The following C22orf31 variants were observed in gnomAD, a reference collection of about 807,000 sequenced individuals.
The protein encoded by C22orf31 is uncharacterized protein C22orf31.
In C22orf31, 11 loss-of-function variants were observed where a neutral mutation model predicts 15.0. That is an observed-to-expected ratio of 0.73 (90% confidence interval 0.46 to 1.21). The LOEUF (loss-of-function observed/expected upper bound fraction) is 1.21. C22orf31 is among the 50% of genes most tolerant of loss of function. The probability of loss-of-function intolerance (pLI) is 0.00; values close to 1 mark genes in which losing one functional copy is unlikely to be tolerated. For synonymous variants in C22orf31, 132 were observed against 133.3 expected (o/e 0.99, Z 0.07); for missense variants, 340 against 347.2 (o/e 0.98, Z 0.17).
the C22orf31 span, among the ~76,000 whole-genome samples, chr22:29,070,504 C>T: frequency 6.6e-6 from 1 of 152,208 alleles, no homozygotes; most frequent in Non-Finnish European, 1.5e-5. Flanking sequence ...CTATTTTCTC[C>T]TCTGAAACCT....
At chr22:29,070,150 T>C in the C22orf31 span, among the ~76,000 whole-genome samples, 1 of 152,184 alleles carries the variant, frequency 6.6e-6, no homozygotes, top group Admixed American at 6.5e-5. Context: ...TGTCACCATG[T>C]TGGCCAGGCT....
upstream of C22orf31, among the ~76,000 whole-genome samples, chr22:29,062,159 T>C (rs2037397756): frequency 6.6e-6 from 1 of 152,162 alleles, no homozygotes; most frequent in Non-Finnish European, 1.5e-5. Context: ...CTTGGATGAA[T>C]TTTGAAGATC....
intron 2 of C22orf31, 40 bp downstream of exon 2, chr22:29,060,375 C>T (rs749898765): frequency 1.9e-6 from 3 of 1,553,538 alleles, no homozygotes; most frequent in Non-Finnish European, 1.8e-6. Flanking sequence ...TTTCCCTCCC[C>T]TCGCCAGTCA....
upstream of C22orf31, chr22:29,061,845 T>C (rs2037395309): frequency 6.4e-6 from 9 of 1,403,360 alleles, no homozygotes; most frequent in Middle Eastern, 1.8e-4. Flanking sequence ...GGAAGAAATA[T>C]GTATTTTCTC....
the C22orf31 span, among the ~76,000 whole-genome samples, chr22:29,069,057 T>C: frequency 1.3e-5 from 2 of 152,100 alleles, no homozygotes; most frequent in African/African-American, 4.8e-5. Flanking sequence ...CCACCACCCC[T>C]GGCCCAGCCT....
At chr22:29,061,415 C>T (rs922482281) in intron 1 of C22orf31, among the ~76,000 whole-genome samples, 6 of 152,050 alleles carry the variant, frequency 3.9e-5, no homozygotes, top group African/African-American at 9.7e-5. Context: ...TACAGGCATG[C>T]ACCACCGCAC....
rs183574266 is a variant in C22orf31 at position 29,060,150 on chromosome 22, G to A, written c.432+265C>T. On this transcript the variant is annotated intron_variant, in intron 2 of 2. Coordinates refer to ENST00000216071, the MANE Select transcript of C22orf31 (RefSeq NM_015370.2). ...GGGTTCAAGTAATCCTCCCTCCTTA[G>A]CCTCCCAAGTAGCTGGGATCACAGG... The A allele has an allele frequency of 2.8e-3, 645 of 229,748 alleles. 3 individuals carry two copies. The highest frequency in any genetic ancestry group is 5.9e-3 in the Admixed American group (84 of 14,272). The allele number at this position is 229,748 out of a possible 1,614,324, so 14.2% of individuals were successfully genotyped here. A position where few individuals can be genotyped will look rare whatever the true frequency, so the allele number is the denominator to read the frequency against.
At chr22:29,066,340 AAG>A (rs2037429309), upstream of C22orf31, among the ~76,000 whole-genome samples, 1 of 152,078 alleles carries the variant, frequency 6.6e-6, no homozygotes, top group Non-Finnish European at 1.5e-5. Context: ...TTGGATGGGA[AAG>A]AATTGGAAAA....
intron 1 of C22orf31, among the ~76,000 whole-genome samples, chr22:29,061,568 A>G (rs2037392427): frequency 6.6e-6 from 1 of 152,112 alleles, no homozygotes; most frequent in Non-Finnish European, 1.5e-5. Flanking sequence ...GTTCGGCTGA[A>G]TACACTTTCT....
the C22orf31 span, among the ~76,000 whole-genome samples, chr22:29,067,822 T>C: frequency 1.3e-5 from 2 of 152,148 alleles, no homozygotes; most frequent in Non-Finnish European, 2.9e-5. Flanking sequence ...CCTCGTTCAC[T>C]GTAACCTCAA....
chr22:29,059,238 A>AT, intron 2 of C22orf31, 56 bp from the exon 3 acceptor site: 3 of 1,291,736 alleles, frequency 2.3e-6, no homozygotes, highest in Non-Finnish European at 3.2e-6. Flanking sequence ...GGAGCTCAGA[A>AT]TAATTATCTG....
Position 29,059,015 on chromosome 22 carries a change from C to T in C22orf31, c.600G>A (p.Glu200=), listed in dbSNP as rs143362009. ...PETQKRQQLS[E]DTLTIHGLPT... ...GGAGACCATGGATGGTTAGCGTGTCCTCCGACAACTGCTGTCTCTTTTGGG... is the reference window on the plus strand; with the variant it reads ...GGAGACCATGGATGGTTAGCGTGTCTTCCGACAACTGCTGTCTCTTTTGGG... The change falls in exon 3 of 3, where the codon GAG becomes GAA. Residue 200 remains glutamate (E), a synonymous_variant. Transcript: ENST00000216071. 6.2e-5 allele frequency: 100 copies of T among 1,614,112 alleles called. 1 individual carries two copies. The highest frequency in any genetic ancestry group is 6.1e-4 in the African/African-American group (46 of 74,932).
At chr22:29,071,899 T>G in the C22orf31 span, among the ~76,000 whole-genome samples, 1 of 152,208 alleles carries the variant, frequency 6.6e-6, no homozygotes, top group Non-Finnish European at 1.5e-5. Flanking sequence ...GACGTTGCGT[T>G]GGGCGTTTTA....
upstream of C22orf31, chr22:29,061,902 T>G (rs1390584921): frequency 4.4e-6 from 4 of 915,942 alleles, no homozygotes; most frequent in Non-Finnish European, 6.6e-6. Flanking sequence ...GTTTTAATAT[T>G]TCTAGTCACC....
Position 29,058,964 on chromosome 22 carries a change from GTACAGAGCC to G in C22orf31, c.642_650del (p.Gln214_Tyr217delinsHis), listed in dbSNP as rs751732458. On this transcript the variant is annotated inframe_deletion, in exon 3 of 3. Transcript: ENST00000216071. ...ACAGCATTGGCTCCACCACAGCGTG[GTACAGAGCC>G]TGGTAACCCTCTGTGGGGAGACCAT... The G allele has an allele frequency of 1.1e-5, 17 of 1,613,998 alleles. No homozygotes were observed. The East Asian group carries it at 3.8e-4, about 36-fold the overall frequency.
chr22:29,066,526 TTTC>T, upstream of C22orf31, among the ~76,000 whole-genome samples: 1 of 142,856 alleles, frequency 7.0e-6, no homozygotes, highest in Non-Finnish European at 1.5e-5. Flanking sequence ...CTTTCTTTCT[TTTC>T]TTTTCTTTTC....
chr22:29,073,126 G>T, the C22orf31 span: 2 of 1,042,858 alleles, frequency 1.9e-6, no homozygotes, highest in African/African-American at 3.5e-5. This position sits in a 1 kb window ranked among gnomAD's most constrained non-coding sequence, Gnocchi z 4.4. Context: ...CCGCACTGAC[G>T]GCCCATGGCG....
At chr22:29,065,995 T>C (rs1425616268), upstream of C22orf31, among the ~76,000 whole-genome samples, 2 of 152,232 alleles carry the variant, frequency 1.3e-5, no homozygotes, top group Non-Finnish European at 2.9e-5. Context: ...TCTGTCCTTC[T>C]TTGATGTTTA....
At chr22:29,073,441 G>A in the C22orf31 span, among the ~76,000 whole-genome samples, 1 of 151,626 alleles carries the variant, frequency 6.6e-6, no homozygotes, top group Middle Eastern at 3.4e-3. This position sits in a 1 kb window ranked among gnomAD's most constrained non-coding sequence, Gnocchi z 4.4. Flanking sequence ...GCCCGGTACT[G>A]TCCCCCGGCT....
Sources: allele counts gnomAD v4.1 joint callset (sites outside exome capture counted in the v4.1 genomes callset), GRCh38; gene constraint gnomAD v4.1.1; non-coding constraint Gnocchi (gnomAD v3.1); transcripts MANE v1.5; gene names NCBI Gene and HGNC (gene_info 2026-07-23, HGNC 2026-07-21).